ME3: variants seen among roughly 807,000 people sequenced by gnomAD.
The protein encoded by ME3 is malic enzyme 3, also known as NADP-dependent malic enzyme, mitochondrial.
A neutral mutation model predicts 68.9 loss-of-function variants in ME3; 48 were observed. That is an observed-to-expected ratio of 0.70 (90% CI 0.55 to 0.89). ME3 has a LOEUF of 0.89. Ranked by LOEUF, ME3 falls within the 40% of genes least tolerant of loss-of-function variation. The pLI is 0.00. For synonymous variants in ME3, 320 were observed against 318.8 expected (o/e 1.00, Z -0.04); for missense variants, 675 against 797.4 (o/e 0.85, Z 1.85).
At chr11:86,528,712 C>T (rs1460481881) in intron 4 of ME3, among the ~76,000 whole-genome samples, 1 of 151,750 alleles carries the variant, frequency 6.6e-6, no homozygotes, top group Admixed American at 6.6e-5. Flanking sequence ...TCACTCAAAA[C>T]CGCTCAACTA....
In ME3 at chr11:86,528,356, C is replaced by A. The variant is rs186075657; in HGVS notation, c.468-19489G>T. 7.5e-3 allele frequency among the ~76,000 whole-genome samples: 1,147 copies of A among 152,276 alleles called. 11 individuals carry two copies. The highest frequency in any genetic ancestry group is 0.026 in the African/African-American group (1,075 of 41,530). On this transcript the variant is annotated intron_variant, in intron 4 of 14. Coordinates refer to ENST00000543262, the Ensembl canonical transcript of ME3. ...TACAGGAGCACCCAGATTCATAAAG[C>A]AAGTCCTTAGAGACCTACAAAGAGA...
intron 2 of ME3, among the ~76,000 whole-genome samples, chr11:86,639,002 G>T (rs1302740309): frequency 1.3e-5 from 2 of 152,186 alleles, no homozygotes; most frequent in Non-Finnish European, 2.9e-5. Context: ...ATTGGAAGGA[G>T]CCTTGGGTTA....
intron 4 of ME3, among the ~76,000 whole-genome samples, chr11:86,515,004 A>T (rs189118972): frequency 2.2e-4 from 34 of 152,356 alleles, no homozygotes; most frequent in Non-Finnish European, 4.4e-4. Context: ...CATCCATTTT[A>T]GTATGCATGT....
intron 2 of ME3, among the ~76,000 whole-genome samples, chr11:86,597,274 G>A (rs981597982): frequency 4.6e-5 from 7 of 152,340 alleles, no homozygotes; most frequent in South Asian, 2.1e-4. Flanking sequence ...CCAAGGTCAC[G>A]GCAGAACCAG....
At chr11:86,576,389 G>T (rs1280820798) in intron 2 of ME3, among the ~76,000 whole-genome samples, 2 of 152,142 alleles carry the variant, frequency 1.3e-5, no homozygotes, top group African/African-American at 4.8e-5. Flanking sequence ...AGGAGGTCAA[G>T]GTGGAGAGAG....
At chr11:86,626,779 G>A (rs916450971) in intron 2 of ME3, among the ~76,000 whole-genome samples, 2 of 152,126 alleles carry the variant, frequency 1.3e-5, no homozygotes, top group Non-Finnish European at 2.9e-5. Flanking sequence ...ACTGAATTTG[G>A]CACATGGGCC....
intron 4 of ME3, among the ~76,000 whole-genome samples, chr11:86,520,599 C>T (rs1954203068): frequency 6.6e-6 from 1 of 152,184 alleles, no homozygotes; most frequent in African/African-American, 2.4e-5. Flanking sequence ...CCTTCTAGGG[C>T]CCCTTGGCCC....
At chr11:86,657,774 T>G (rs1946003467) in intron 2 of ME3, among the ~76,000 whole-genome samples, 1 of 152,202 alleles carries the variant, frequency 6.6e-6, no homozygotes, top group Non-Finnish European at 1.5e-5. Context: ...CACTTATTTA[T>G]TATCTGTCTT....
At chr11:86,506,626 C>T (rs1047536207) in intron 5 of ME3, among the ~76,000 whole-genome samples, 23 of 152,064 alleles carry the variant, frequency 1.5e-4, no homozygotes, top group African/African-American at 5.3e-4. Flanking sequence ...ACAAAAGCAC[C>T]GAAAGTATTA....
At chr11:86,588,841 T>A (rs1252240852) in intron 2 of ME3, among the ~76,000 whole-genome samples, 1 of 152,184 alleles carries the variant, frequency 6.6e-6, no homozygotes, top group Non-Finnish European at 1.5e-5. Flanking sequence ...CTGGGCACAA[T>A]GCCTTTCCTA....
In ME3 at chr11:86,594,775, A is replaced by G. The variant is rs17149197; in HGVS notation, c.184-34952T>C. Among the ~76,000 whole-genome samples, 953 of 147,030 alleles carry G rather than the reference A, an allele frequency of 6.5e-3. 112 individuals are homozygous for G. The highest frequency in any genetic ancestry group is 0.023 in the African/African-American group (914 of 40,062). On this transcript the variant is annotated intron_variant, in intron 2 of 14. Transcript: ENST00000543262. The stretch of plus-strand genomic sequence containing the variant: ...AAAGATTTTTCCTGCCTGCAGTGAG[A>G]AAATAATCCCAGTCCCAAAGCAGGG...
At chr11:86,632,099 G>A (rs1944054186) in intron 2 of ME3, among the ~76,000 whole-genome samples, 1 of 152,222 alleles carries the variant, frequency 6.6e-6, no homozygotes, top group Non-Finnish European at 1.5e-5. Context: ...AAGAGGCTAA[G>A]TACCTTGTCC....
intron 2 of ME3, among the ~76,000 whole-genome samples, chr11:86,661,858 TATTGTATTGTATTG>T (rs1946303748): frequency 1.3e-5 from 2 of 148,514 alleles, no homozygotes; most frequent in African/African-American, 5.2e-5. Context: ...TATTGTATTG[TATTGTATTGTATTG>T]TATTGTATTG....
intron 5 of ME3, among the ~76,000 whole-genome samples, chr11:86,503,065 CCTCT>C (rs546875009): frequency 4.0e-4 from 61 of 152,110 alleles, no homozygotes; most frequent in African/African-American, 1.3e-3. Context: ...TCTGCTTCTC[CCTCT>C]CTCTCTTTCT....
chr11:86,660,855 T>TC (rs1357160045), intron 2 of ME3, among the ~76,000 whole-genome samples: 1 of 152,206 alleles, frequency 6.6e-6, no homozygotes, highest in Non-Finnish European at 1.5e-5. Context: ...GAAATGTATT[T>TC]CCAAAATTTG....
chr11:86,578,310 G>C (rs1055996767), intron 2 of ME3, among the ~76,000 whole-genome samples: 8 of 152,172 alleles, frequency 5.3e-5, no homozygotes, highest in Admixed American at 3.3e-4. Flanking sequence ...GAGCAGCAGA[G>C]AACAAGGGAA....
intron 2 of ME3, among the ~76,000 whole-genome samples, chr11:86,587,838 T>G (rs1958828808): frequency 6.6e-6 from 1 of 152,214 alleles, no homozygotes; most frequent in African/African-American, 2.4e-5. Context: ...AAGGATTTCC[T>G]TCTTTTTTCT....
chr11:86,515,833 A>G lies in ME3; in HGVS notation c.468-6966T>C, dbSNP rs150066005. On this transcript the variant is annotated intron_variant, in intron 4 of 14. Coordinates refer to ENST00000543262, the Ensembl canonical transcript of ME3. The stretch of plus-strand genomic sequence containing the variant: ...CTTTGACAGCTAATGTGACATGTTT[A>G]AAGTGGTATTATCCTGCTCTGAGGC... 2.6e-5 allele frequency among the ~76,000 whole-genome samples: 4 copies of G among 152,302 alleles called. No individual in the cohort carries two copies. The East Asian group carries it at 7.7e-4, about 29-fold the overall frequency.
chr11:86,500,089 T>A (rs1272863624), intron 5 of ME3, among the ~76,000 whole-genome samples: 1 of 152,230 alleles, frequency 6.6e-6, no homozygotes. Flanking sequence ...CTCTGCAGCC[T>A]GCATCTGACC....
Sources: allele counts gnomAD v4.1 joint callset (sites outside exome capture counted in the v4.1 genomes callset), GRCh38; gene constraint gnomAD v4.1.1; transcripts MANE v1.5; gene names NCBI Gene and HGNC (gene_info 2026-07-23, HGNC 2026-07-21).